XKR4: variants seen among roughly 807,000 people sequenced by gnomAD.
XKR4 encodes XK-related protein 4.
Under a neutral mutation model 53.9 loss-of-function variants are expected in XKR4, and 12 were observed. The ratio of observed to expected loss-of-function variants is 0.22; its 90% CI spans 0.14 to 0.36. The LOEUF (loss-of-function observed/expected upper bound fraction) is 0.36. Among genes scored for constraint, XKR4 ranks in the 10% least tolerant of loss-of-function variants. The probability of loss-of-function intolerance (pLI) is 1.00; values close to 1 mark genes in which losing one functional copy is unlikely to be tolerated. For synonymous variants in XKR4, 354 were observed against 362.4 expected, an observed-to-expected ratio of 0.98 and a Z score of 0.26; for missense variants, 799 against 859.5, an observed-to-expected ratio of 0.93 and a Z score of 0.88.
chr8:55,361,376 T>A (rs749305792), intron 2 of XKR4, among the ~76,000 whole-genome samples: 19 of 152,036 alleles, frequency 1.2e-4, no homozygotes, highest in Non-Finnish European at 2.2e-4. Flanking sequence ...ACCATGGCAT[T>A]TCTGTTAGTG....
chr8:55,343,863 A>C (rs908442831), intron 1 of XKR4, among the ~76,000 whole-genome samples: 4 of 152,262 alleles, frequency 2.6e-5, no homozygotes, highest in African/African-American at 9.6e-5. Flanking sequence ...AAATAATACA[A>C]TTATAATGAG....
At chr8:55,431,748 C>G (rs1031500643) in intron 2 of XKR4, among the ~76,000 whole-genome samples, 1 of 152,120 alleles carries the variant, frequency 6.6e-6, no homozygotes, top group African/African-American at 2.4e-5. Context: ...TTTTGTCATC[C>G]GATACTACCT....
At chr8:55,317,851 C>T (rs1803122031) in intron 1 of XKR4, among the ~76,000 whole-genome samples, 1 of 152,170 alleles carries the variant, frequency 6.6e-6, no homozygotes, top group Non-Finnish European at 1.5e-5. Context: ...ACATCAGGGG[C>T]TGAGACTCAG....
intron 2 of XKR4, among the ~76,000 whole-genome samples, chr8:55,395,395 C>T (rs183526197): frequency 2.6e-5 from 4 of 151,826 alleles, no homozygotes; most frequent in Admixed American, 2.0e-4. Context: ...AAAGGCATGA[C>T]CATGAAGTAG....
intron 2 of XKR4, among the ~76,000 whole-genome samples, chr8:55,426,377 T>C (rs532813856): frequency 2.7e-4 from 41 of 152,150 alleles, no homozygotes; most frequent in Admixed American, 5.2e-4. Flanking sequence ...ACTTGCGCTC[T>C]CTCTCTCTCT....
intron 1 of XKR4, among the ~76,000 whole-genome samples, chr8:55,279,767 C>T (rs1210145313): frequency 1.3e-5 from 2 of 152,162 alleles, no homozygotes; most frequent in Non-Finnish European, 2.9e-5. Flanking sequence ...TCATTTCCTC[C>T]AGAATGGGGC....
rs543578842 is a variant in XKR4, at chr8:55,193,120, G to A, written c.806+89826G>A. Among the ~76,000 whole-genome samples, 12 of 151,602 alleles carry A rather than the reference G, an allele frequency of 7.9e-5. No homozygotes were observed. In the South Asian group the frequency reaches 2.3e-3, roughly 29 times the overall value. Reference sequence around the variant, plus strand: ...CGGATGAAAAAAATTCAATTATATCGGACTGGGTTAGAACTGCACTTCCCA... The same window carrying A: ...CGGATGAAAAAAATTCAATTATATCAGACTGGGTTAGAACTGCACTTCCCA... On this transcript the variant is annotated intron_variant, in intron 1 of 2. Transcript: ENST00000327381.
At position 55,528,361 on chromosome 8, in the gene XKR4, C is replaced by T. The variant is rs1349724917; in HGVS notation, c.*4134C>T. On this transcript the variant is annotated 3_prime_UTR_variant, in exon 3 of 3. Coordinates refer to ENST00000327381, the MANE Select transcript of XKR4 (RefSeq NM_052898.2). ...AGATTGAATTGAGCAAAGAGAACCTCTTCTGTCCTTACCAGGATTGTGTAA... is the reference window on the plus strand; with the variant it reads ...AGATTGAATTGAGCAAAGAGAACCTTTTCTGTCCTTACCAGGATTGTGTAA... 4 of 152,228 alleles carry T rather than the reference C, an allele frequency of 2.6e-5. No homozygotes were observed. The highest frequency in any genetic ancestry group is 5.9e-5 in the Non-Finnish European group (4 of 68,042). 9.4% of individuals were successfully genotyped at this position (152,228 alleles called of 1,614,324 possible).
chr8:55,414,592 T>C (rs1804819359), intron 2 of XKR4, among the ~76,000 whole-genome samples: 2 of 151,080 alleles, frequency 1.3e-5, no homozygotes, highest in Admixed American at 1.3e-4. Context: ...ATCTCAGATG[T>C]ACTATATTCT....
In XKR4 at chr8:55,464,975, T is replaced by G. The variant is rs570486783; in HGVS notation, c.1007-58306T>G. 4.7e-3 allele frequency among the ~76,000 whole-genome samples: 714 copies of G among 151,606 alleles called. 7 individuals are homozygous for G. The highest frequency in any genetic ancestry group is 0.016 in the African/African-American group (670 of 41,112). ...AGGAGAACTACAAACCACTGCTCAG[T>G]GAAATAAAAGAGGATACAAACAAAT... On this transcript the variant is annotated intron_variant, in intron 2 of 2. Coordinates refer to ENST00000327381, the MANE Select transcript of XKR4 (RefSeq NM_052898.2).
Position 55,523,298 on chromosome 8 carries a change from T to C in XKR4, c.1024T>C (p.Ser342Pro). Residue 342 changes from serine to proline, a missense_variant, in exon 3 of 3, where the codon TCC becomes CCC. Around this residue, in one of 3 missense-constraint regions of XKR4, gnomAD observed 476 missense variants for 505.4 expected, o/e 0.94. Coordinates refer to ENST00000327381, the MANE Select transcript of XKR4 (RefSeq NM_052898.2). ...CTTTGTAGGTTTCACAGCGGCAGCT[T>C]CCCTCGTGTCCCTGGCCTGGGCCTT... ...QALQGFTAAA[S>P]LVSLAWALAS... is the part of the protein sequence containing the mutation. 6.2e-7 allele frequency: 1 copy of C among 1,604,882 alleles called. No individual in the cohort carries two copies. The highest frequency in any genetic ancestry group is 8.5e-7 in the Non-Finnish European group (1 of 1,175,266).
At chr8:55,489,716 C>T (rs1806246423) in intron 2 of XKR4, among the ~76,000 whole-genome samples, 2 of 151,796 alleles carry the variant, frequency 1.3e-5, no homozygotes, top group Admixed American at 1.3e-4. Flanking sequence ...TCAAATTCTA[C>T]ATAATTCCTA....
At position 55,336,927 on chromosome 8, in the gene XKR4, C is replaced by G. The variant is rs146300443; in HGVS notation, c.807-20751C>G. 1.2e-3 allele frequency among the ~76,000 whole-genome samples: 189 copies of G among 152,258 alleles called. 3 individuals are homozygous for G. The East Asian group carries it at 0.031, about 25-fold the overall frequency. On this transcript the variant is annotated intron_variant, in intron 1 of 2. Coordinates refer to ENST00000327381, the MANE Select transcript of XKR4 (RefSeq NM_052898.2). ...ATTATTAAACAAATGAGCTCCTGAA[C>G]ATGTATTTATTTCATAGCTGAACTC...
At chr8:55,461,752 GA>G (rs1215890436) in intron 2 of XKR4, among the ~76,000 whole-genome samples, 9 of 152,200 alleles carry the variant, frequency 5.9e-5, no homozygotes, top group Non-Finnish European at 8.8e-5. Context: ...TGGATAACTA[GA>G]ATAACCAATG....
chr8:55,473,672 A>T (rs2975958), intron 2 of XKR4, among the ~76,000 whole-genome samples: 63,629 of 151,944 alleles, frequency 0.42, 13,858 homozygotes, highest in East Asian at 0.53. Flanking sequence ...AAACTTCAGA[A>T]CCATGTCTTT....
At chr8:55,496,276 AT>A (rs1806345791) in intron 2 of XKR4, among the ~76,000 whole-genome samples, 1 of 152,190 alleles carries the variant, frequency 6.6e-6, no homozygotes, top group Non-Finnish European at 1.5e-5. Flanking sequence ...CAACAGAATC[AT>A]TGTCTCTTAT....
At chr8:55,228,152 TC>T (rs2129366447) in intron 1 of XKR4, among the ~76,000 whole-genome samples, 1 of 152,276 alleles carries the variant, frequency 6.6e-6, no homozygotes, top group Admixed American at 6.5e-5. Context: ...GTCCAGGTGA[TC>T]CACCCACCTT....
intron 2 of XKR4, chr8:55,451,544 A>G: frequency 1.9e-6 from 2 of 1,059,520 alleles, no homozygotes; most frequent in Non-Finnish European, 2.8e-6. Context: ...CCTATGCCGT[A>G]CAGGCCCCCA....
rs5891571 is a variant in XKR4, at chr8:55,396,383, G to GT, written c.1006+38516dup. On this transcript the variant is annotated intron_variant, in intron 2 of 2. Transcript: ENST00000327381. The stretch of plus-strand genomic sequence containing the variant: ...GAGGGCAAGGGGAAGGTTTTTTTGT[G>GT]TTTTTTTTTTGTTTGGTTTTTTTTT... Among the ~76,000 whole-genome samples the GT allele has an allele frequency of 5.7e-4, 70 of 122,592 alleles. 2 individuals are homozygous for GT. Among genetic ancestry groups the GT allele is most frequent in the South Asian group, 1.6e-3 (6 of 3,862 alleles). The allele number at this position is 122,592 out of a possible 152,430, so 80.4% of individuals were successfully genotyped here. A position where few individuals can be genotyped will look rare whatever the true frequency, so the allele number is the denominator to read the frequency against.
Sources: gnomAD v4.1 joint callset for allele counts (sites outside exome capture counted in the v4.1 genomes callset) on GRCh38, gnomAD v4.1.1 for gene constraint, gnomAD v4.1.1 regional missense constraint, MANE v1.5 for transcripts, NCBI Gene and HGNC (gene_info 2026-07-23, HGNC 2026-07-21) for gene names.